The following BNC2 variants were observed in gnomAD, a reference collection of about 807,000 sequenced individuals.
BNC2 encodes zinc finger protein basonuclin-2.
BNC2 carries 20 observed loss-of-function variants against 76.3 expected under a neutral mutation model. The ratio of observed to expected loss-of-function variants is 0.26; its 90% CI spans 0.18 to 0.38. The LOEUF is 0.38. Among genes scored for constraint, BNC2 ranks in the 10% least tolerant of loss-of-function variants. The pLI, the probability that BNC2 is intolerant of heterozygous loss-of-function variation, is 1.00. For synonymous variants in BNC2, 582 were observed against 514.8 expected (o/e 1.13, Z -1.77); for missense variants, 1,382 against 1,399.8 (o/e 0.99, Z 0.20).
intron 1 of BNC2, among the ~76,000 whole-genome samples, chr9:16,846,887 T>A (rs1292576918): frequency 6.6e-6 from 1 of 152,216 alleles, no homozygotes; most frequent in Non-Finnish European, 1.5e-5. Flanking sequence ...AATTCACAGA[T>A]GAAATATCTC....
intron 3 of BNC2, among the ~76,000 whole-genome samples, chr9:16,687,356 A>AC: frequency 6.6e-6 from 1 of 152,318 alleles, no homozygotes; most frequent in Non-Finnish European, 1.5e-5. Context: ...GGTCTAGGAC[A>AC]ACATAAGTAA....
chr9:16,543,914 CA>C (rs1818397331), intron 5 of BNC2, among the ~76,000 whole-genome samples: 1 of 152,170 alleles, frequency 6.6e-6, no homozygotes, highest in Non-Finnish European at 1.5e-5. Context: ...ACTATAAATA[CA>C]ACACACTGCT....
intron 1 of BNC2, among the ~76,000 whole-genome samples, chr9:16,747,384 G>C (rs1825041723): frequency 6.6e-6 from 1 of 152,110 alleles, no homozygotes; most frequent in African/African-American, 2.4e-5. Flanking sequence ...GAGCTCTTAG[G>C]AAATTAATCA....
chr9:16,431,693 T>A (rs1342670436), intron 6 of BNC2, among the ~76,000 whole-genome samples: 1 of 152,182 alleles, frequency 6.6e-6, no homozygotes, highest in Non-Finnish European at 1.5e-5. Context: ...GTCCCCAACC[T>A]TTTTGGCACC....
At chr9:16,638,764 A>C (rs1821401348) in intron 3 of BNC2, among the ~76,000 whole-genome samples, 1 of 152,164 alleles carries the variant, frequency 6.6e-6, no homozygotes, top group African/African-American at 2.4e-5. Flanking sequence ...CGATAATACT[A>C]TTTTTAATGT....
chr9:16,817,618 G>C (rs995799556), intron 1 of BNC2, among the ~76,000 whole-genome samples: 1 of 152,152 alleles, frequency 6.6e-6, no homozygotes, highest in Non-Finnish European at 1.5e-5. Context: ...GCACACTGAA[G>C]GTGTTTCTCA....
intron 1 of BNC2, among the ~76,000 whole-genome samples, chr9:16,829,092 C>T (rs527758185): frequency 1.2e-4 from 19 of 152,238 alleles, no homozygotes; most frequent in Non-Finnish European, 2.2e-4. Flanking sequence ...GAGGACTGAG[C>T]GCGACTGTTC....
At chr9:16,677,710 G>A (rs1822694465) in intron 3 of BNC2, among the ~76,000 whole-genome samples, 1 of 152,024 alleles carries the variant, frequency 6.6e-6, no homozygotes, top group South Asian at 2.1e-4. Flanking sequence ...CCTGTGTCCG[G>A]AGTTAAGAAG....
chr9:16,707,822 A>G (rs989000128), intron 3 of BNC2, among the ~76,000 whole-genome samples: 2 of 152,064 alleles, frequency 1.3e-5, no homozygotes, highest in African/African-American at 4.8e-5. Context: ...TTACATTTTT[A>G]GGAGAGACAC....
At chr9:16,467,530 T>C (rs1343888688) in intron 5 of BNC2, among the ~76,000 whole-genome samples, 2 of 123,708 alleles carry the variant, frequency 1.6e-5, no homozygotes, top group Non-Finnish European at 3.3e-5. Context: ...ATGTCCTTTG[T>C]AGGGACATGG....
chr9:16,470,322 G>C (rs1458567087), intron 5 of BNC2, among the ~76,000 whole-genome samples: 1 of 152,132 alleles, frequency 6.6e-6, no homozygotes, highest in Non-Finnish European at 1.5e-5. Context: ...AAGGGAAGCA[G>C]AGCACAAAAG....
chr9:16,846,126 C>T (rs1276196119), intron 1 of BNC2, among the ~76,000 whole-genome samples: 1 of 136,188 alleles, frequency 7.3e-6, no homozygotes, highest in Admixed American at 7.9e-5. Flanking sequence ...GGAGACAGAG[C>T]GAGACACCGT....
chr9:16,554,915 G>T (rs79985424), intron 4 of BNC2, among the ~76,000 whole-genome samples: 1 of 152,204 alleles, frequency 6.6e-6, no homozygotes, highest in Non-Finnish European at 1.5e-5. Flanking sequence ...CACCTTGCAT[G>T]TCTGCATTAA....
intron 1 of BNC2, among the ~76,000 whole-genome samples, chr9:16,815,170 T>G (rs958526000): frequency 2.0e-5 from 3 of 151,944 alleles, no homozygotes; most frequent in Non-Finnish European, 4.4e-5. Flanking sequence ...AAAAGCAAAG[T>G]CAAGGAGATA....
intron 1 of BNC2, among the ~76,000 whole-genome samples, chr9:16,858,926 T>C (rs1341377475): frequency 1.3e-5 from 2 of 151,656 alleles, no homozygotes; most frequent in African/African-American, 2.4e-5. Context: ...AGAGATAAAC[T>C]ATAGAAAGTG....
chr9:16,737,441 G>A (rs1194474437), intron 2 of BNC2, among the ~76,000 whole-genome samples: 7 of 151,116 alleles, frequency 4.6e-5, no homozygotes, highest in Admixed American at 2.6e-4. Context: ...TAGTAGAGAC[G>A]AGGTTTCACC....
At chr9:16,458,962 C>T (rs1170796038) in intron 5 of BNC2, among the ~76,000 whole-genome samples, 1 of 152,166 alleles carries the variant, frequency 6.6e-6, no homozygotes, top group East Asian at 1.9e-4. Context: ...AAGAGCACCC[C>T]TGTTGAGGAG....
chr9:16,665,388 G>GAGAC (rs1460960842), intron 3 of BNC2, among the ~76,000 whole-genome samples: 1 of 105,438 alleles, frequency 9.5e-6, no homozygotes, highest in African/African-American at 3.0e-5. Context: ...AAAAAAAAAA[G>GAGAC]AGAGAGAGAG....
At chr9:16,720,146 G>A (rs183939761) in intron 3 of BNC2, among the ~76,000 whole-genome samples, 151 of 152,278 alleles carry the variant, frequency 9.9e-4, no homozygotes, top group African/African-American at 3.5e-3. Context: ...CAACACTCGA[G>A]ACAGTCCTGT....
Sources: gnomAD v4.1 joint callset for allele counts (sites outside exome capture counted in the v4.1 genomes callset) on GRCh38, gnomAD v4.1.1 for gene constraint, MANE v1.5 for transcripts, NCBI Gene and HGNC (gene_info 2026-07-23, HGNC 2026-07-21) for gene names.